The following PITPNM2 variants were observed in gnomAD, a reference collection of about 807,000 sequenced individuals.
PITPNM2 encodes the protein membrane-associated phosphatidylinositol transfer protein 2.
A neutral mutation model predicts 132.2 loss-of-function variants in PITPNM2; 35 were observed. The ratio of observed to expected loss-of-function variants is 0.26; its 90% CI spans 0.20 to 0.35. The LOEUF (loss-of-function observed/expected upper bound fraction) is 0.35, where lower values mean the gene tolerates loss of function less well. PITPNM2 is among the 10% of genes least tolerant of loss of function. PITPNM2 has a pLI of 1.00. For missense variants in PITPNM2, 1,332 were observed against 1,912.0 expected (o/e 0.70, Z 5.66); for synonymous variants, 738 against 799.2 (o/e 0.92, Z 1.29).
chr12:123,060,342 C>T (rs2041192312), intron 2 of PITPNM2, among the ~76,000 whole-genome samples: 1 of 152,188 alleles, frequency 6.6e-6, no homozygotes, highest in Admixed American at 6.5e-5. Context: ...GGACCCAGCC[C>T]GTCTGGGTGC....
At chr12:123,056,371 C>T (rs1399100313) in intron 2 of PITPNM2, among the ~76,000 whole-genome samples, 7 of 152,202 alleles carry the variant, frequency 4.6e-5, no homozygotes, top group Non-Finnish European at 1.5e-5. Context: ...CTCATGTCCA[C>T]GTTGCCCGGG....
intron 3 of PITPNM2, among the ~76,000 whole-genome samples, chr12:123,033,833 C>T (rs898697028): frequency 2.6e-5 from 4 of 152,014 alleles, no homozygotes; most frequent in Non-Finnish European, 4.4e-5. Flanking sequence ...GACTGGTGTC[C>T]TTAGAAGATA....
At chr12:123,100,865 T>A (rs2042547461) in intron 2 of PITPNM2, among the ~76,000 whole-genome samples, 1 of 152,212 alleles carries the variant, frequency 6.6e-6, no homozygotes, top group Non-Finnish European at 1.5e-5. Context: ...CCTTCCACTG[T>A]GTTTCTATAA....
rs1383583641 is a variant in PITPNM2 at position 123,150,856 on chromosome 12, G to T, written c.-303C>A. Among the ~76,000 whole-genome samples, 3 of 145,776 alleles carry T rather than the reference G, an allele frequency of 2.1e-5. No homozygotes were observed. The highest frequency in any genetic ancestry group is 6.8e-5 in the Admixed American group (1 of 14,702). On this transcript the variant is annotated 5_prime_UTR_variant, in exon 1 of 26. Coordinates refer to ENST00000320201, the MANE Select transcript of PITPNM2 (RefSeq NM_020845.3). This position sits in a 1 kb window ranked among gnomAD's most constrained non-coding sequence, Gnocchi z 6.0. ...AGCGCCCGCCCCGCGGCCCCGGCCC[G>T]GCCGGCTGCGCCCCGCGCGCCCCCG...
At chr12:123,127,152 C>T (rs1274471883) in intron 1 of PITPNM2, among the ~76,000 whole-genome samples, 8 of 152,192 alleles carry the variant, frequency 5.3e-5, no homozygotes, top group East Asian at 1.9e-4. Flanking sequence ...TCTGTGACAA[C>T]GACTTAATGG....
At chr12:123,020,143 C>T (rs2039609709) in intron 3 of PITPNM2, among the ~76,000 whole-genome samples, 1 of 152,106 alleles carries the variant, frequency 6.6e-6, no homozygotes, top group African/African-American at 2.4e-5. Context: ...ACAGATGAGA[C>T]AGAGTCTGGC....
At chr12:122,987,242 C>G in intron 23 of PITPNM2, 39 bp downstream of exon 23, 1 of 1,603,404 alleles carries the variant, frequency 6.2e-7, no homozygotes, top group Non-Finnish European at 8.5e-7. Flanking sequence ...AGCCCACCCA[C>G]CTTGCTACAG....
At chr12:123,053,623 A>T (rs1211596440) in intron 2 of PITPNM2, among the ~76,000 whole-genome samples, 1 of 141,496 alleles carries the variant, frequency 7.1e-6, no homozygotes, top group African/African-American at 2.7e-5. Context: ...CCTGGAGTGC[A>T]ATGGCGTGAT....
intron 3 of PITPNM2, among the ~76,000 whole-genome samples, chr12:123,020,054 A>G (rs1364822804): frequency 6.6e-6 from 1 of 152,162 alleles, no homozygotes; most frequent in Non-Finnish European, 1.5e-5. Flanking sequence ...AGTGGCAGGG[A>G]AGGGCCTGGG....
At chr12:123,065,085 C>T (rs761273097) in intron 2 of PITPNM2, among the ~76,000 whole-genome samples, 5 of 152,234 alleles carry the variant, frequency 3.3e-5, no homozygotes, top group Non-Finnish European at 7.3e-5. Flanking sequence ...CACCCACAGC[C>T]GCTGGAGGCC....
chr12:123,076,175 T>G (rs182174636), intron 2 of PITPNM2: 13 of 152,328 alleles, frequency 8.5e-5, no homozygotes, highest in African/African-American at 3.1e-4. Context: ...AGAATCCAGA[T>G]GCCCGTAATG....
intron 2 of PITPNM2, among the ~76,000 whole-genome samples, chr12:123,073,435 G>T (rs1300460660): frequency 6.6e-6 from 1 of 151,860 alleles, no homozygotes; most frequent in African/African-American, 2.4e-5. Context: ...CCTACCATTC[G>T]CCACCGCCTA....
At chr12:123,104,007 T>C (rs1593017460) in intron 2 of PITPNM2, among the ~76,000 whole-genome samples, 1 of 151,986 alleles carries the variant, frequency 6.6e-6, no homozygotes, top group South Asian at 2.1e-4. Flanking sequence ...CGCCTCCGGG[T>C]TGAACCTCCG....
intron 3 of PITPNM2, among the ~76,000 whole-genome samples, chr12:123,025,269 T>A (rs1381565904): frequency 6.6e-6 from 1 of 152,044 alleles, no homozygotes. Context: ...GCCACAGGCC[T>A]CTCTAAGGCA....
In PITPNM2 at chr12:123,036,534, C is replaced by T. The variant is rs905409432; in HGVS notation, c.-95-1849G>A. The stretch of plus-strand genomic sequence containing the variant: ...CCCTCCTCTCTATTAAAAAAGAACC[C>T]AATTCTCACATCCAGTTGCTTTAAA... On this transcript the variant is annotated intron_variant, in intron 2 of 25. Coordinates refer to ENST00000320201, the MANE Select transcript of PITPNM2 (RefSeq NM_020845.3). The surrounding 1 kb of genome is among the most constrained non-coding windows in gnomAD (Gnocchi z 4.1). 1.3e-5 allele frequency among the ~76,000 whole-genome samples: 2 copies of T among 152,326 alleles called. No homozygotes were observed. The highest frequency in any genetic ancestry group is 3.4e-3 in the Middle Eastern group (1 of 294).
intron 2 of PITPNM2, among the ~76,000 whole-genome samples, chr12:123,101,393 G>A (rs923634118): frequency 2.0e-5 from 3 of 152,128 alleles, no homozygotes; most frequent in Non-Finnish European, 4.4e-5. Flanking sequence ...TATCCACAGC[G>A]AAGTATCAAA....
At chr12:123,019,145 C>G (rs1234427164) in intron 3 of PITPNM2, among the ~76,000 whole-genome samples, 1 of 152,082 alleles carries the variant, frequency 6.6e-6, no homozygotes. Flanking sequence ...GATGGTTGCA[C>G]AACTCTGTGA....
chr12:123,049,929 T>C (rs1303128775), intron 2 of PITPNM2, among the ~76,000 whole-genome samples: 1 of 152,236 alleles, frequency 6.6e-6, no homozygotes, highest in Non-Finnish European at 1.5e-5. Context: ...TGCAGGCAGA[T>C]AACGCTGCCG....
At position 122,994,732 on chromosome 12, in the gene PITPNM2, G is replaced by C. The variant is rs73411020; in HGVS notation, c.2233+69C>G. ...GACGTGGCCATGATCTCATCACAGGGGTCCACTGAGACCCCCGCCCCCGCA... is the reference window on the plus strand; with the variant it reads ...GACGTGGCCATGATCTCATCACAGGCGTCCACTGAGACCCCCGCCCCCGCA... On this transcript the variant is annotated intron_variant, in intron 15 of 25. Coordinates refer to ENST00000320201, the MANE Select transcript of PITPNM2 (RefSeq NM_020845.3). The surrounding 1 kb of genome is among the most constrained non-coding windows in gnomAD (Gnocchi z 5.4). 18 of 1,488,406 alleles carry C rather than the reference G, an allele frequency of 1.2e-5. No homozygotes were observed. Among genetic ancestry groups the C allele is most frequent in the Non-Finnish European group, 1.5e-5 (17 of 1,110,178 alleles). The allele number at this position is 1,488,406 out of a possible 1,614,324, so 92.2% of individuals were successfully genotyped here. A position where few individuals can be genotyped will look rare whatever the true frequency, so the allele number is the denominator to read the frequency against.
Sources: gnomAD v4.1 joint callset for allele counts (sites outside exome capture counted in the v4.1 genomes callset) on GRCh38, gnomAD v4.1.1 for gene constraint, Gnocchi (gnomAD v3.1) non-coding constraint, MANE v1.5 for transcripts, NCBI Gene and HGNC (gene_info 2026-07-23, HGNC 2026-07-21) for gene names.